EBF1: variants seen among roughly 807,000 people sequenced by gnomAD.
EBF1 encodes transcription factor COE1.
Under a neutral mutation model 68.4 loss-of-function variants are expected in EBF1, and 10 were observed. That is an observed-to-expected ratio of 0.15 (90% confidence interval 0.09 to 0.25). EBF1 has a LOEUF of 0.25. EBF1 is among the 10% of genes least tolerant of loss of function. The pLI, the probability that EBF1 is intolerant of heterozygous loss-of-function variation, is 1.00. For missense variants in EBF1, 509 were observed against 794.4 expected, an observed-to-expected ratio of 0.64 and a Z score of 4.32; for synonymous variants, 298 against 299.8, an observed-to-expected ratio of 0.99 and a Z score of 0.06.
intron 6 of EBF1, among the ~76,000 whole-genome samples, chr5:158,987,897 C>G (rs1463197741): frequency 6.6e-6 from 1 of 152,166 alleles, no homozygotes; most frequent in Non-Finnish European, 1.5e-5. Flanking sequence ...AGTCAAAGGC[C>G]TAGATCCCCT....
At position 159,096,334 on chromosome 5, in the gene EBF1, G is replaced by A. The variant is rs374695280; in HGVS notation, c.355+9C>T. 60 of 1,612,478 alleles carry A rather than the reference G, an allele frequency of 3.7e-5. No homozygotes were observed. Among genetic ancestry groups the A allele is most frequent in the Admixed American group, 6.7e-5 (4 of 59,820 alleles). Reference sequence around the variant, plus strand: ...CAGGGTGAGGCCATAGACCCGACCCGGGCCTCACCATTGCTGTAGAGAAGC... The same window carrying A: ...CAGGGTGAGGCCATAGACCCGACCCAGGCCTCACCATTGCTGTAGAGAAGC... On this transcript the variant is annotated intron_variant, in intron 3 of 15. Coordinates refer to ENST00000313708, the MANE Select transcript of EBF1 (RefSeq NM_024007.5).
intron 6 of EBF1, among the ~76,000 whole-genome samples, chr5:158,976,784 T>G (rs1396625618): frequency 6.6e-6 from 1 of 152,244 alleles, no homozygotes; most frequent in Non-Finnish European, 1.5e-5. Flanking sequence ...CGGTCTCACA[T>G]CACAGTACTG....
chr5:158,750,734 T>G (rs1768650962), intron 10 of EBF1, among the ~76,000 whole-genome samples: 2 of 151,970 alleles, frequency 1.3e-5, no homozygotes. Context: ...AAAAATTATT[T>G]CAAAAGTTTT....
intron 6 of EBF1, among the ~76,000 whole-genome samples, chr5:158,987,409 T>C (rs1178272009): frequency 6.6e-6 from 1 of 152,240 alleles, no homozygotes; most frequent in African/African-American, 2.4e-5. Flanking sequence ...AGCCATAGAA[T>C]CTTAAGCCCT....
chr5:158,941,397 A>T (rs1461021556), intron 6 of EBF1, among the ~76,000 whole-genome samples: 1 of 152,222 alleles, frequency 6.6e-6, no homozygotes, highest in Non-Finnish European at 1.5e-5. Flanking sequence ...GAGCCTAATA[A>T]CACTGCAAGT....
intron 9 of EBF1, among the ~76,000 whole-genome samples, chr5:158,792,947 CA>C (rs1377244912): frequency 3.9e-5 from 6 of 152,168 alleles, no homozygotes; most frequent in Admixed American, 6.5e-5. Context: ...CAGCACAAGA[CA>C]TCATGGCAAT....
At chr5:158,875,088 C>CA in intron 6 of EBF1, among the ~76,000 whole-genome samples, 1 of 149,170 alleles carries the variant, frequency 6.7e-6, no homozygotes, top group Non-Finnish European at 1.5e-5. Flanking sequence ...CACACACACA[C>CA]CAGGCAGTTT....
chr5:159,003,651 T>C (rs1439681381), intron 6 of EBF1, among the ~76,000 whole-genome samples: 1 of 152,178 alleles, frequency 6.6e-6, no homozygotes, highest in African/African-American at 2.4e-5. Flanking sequence ...TTCTTAGCAA[T>C]ATAGGCAGAG....
chr5:158,708,577 C>T (rs1758425794), intron 14 of EBF1, among the ~76,000 whole-genome samples: 1 of 152,174 alleles, frequency 6.6e-6, no homozygotes, highest in South Asian at 2.1e-4. Context: ...AACAAAAGTG[C>T]AACACCCTCT....
At position 158,698,655 on chromosome 5, in the gene EBF1, CT is replaced by C. The variant is rs1219424319; in HGVS notation, c.*455del. On this transcript the variant is annotated 3_prime_UTR_variant, in exon 16 of 16. Coordinates refer to ENST00000313708, the MANE Select transcript of EBF1 (RefSeq NM_024007.5). ...TCCCATACAAGCTTTTTTTTTTTTC[CT>C]TTTTTTCTTTTTTTTTTTTTTTACT... The C allele has an allele frequency of 3.8e-5, 5 of 131,222 alleles. No homozygotes were observed. The highest frequency in any genetic ancestry group is 6.4e-5 in the African/African-American group (2 of 31,012). The allele number at this position is 131,222 out of a possible 1,614,324, so 8.1% of individuals were successfully genotyped here. A position where few individuals can be genotyped will look rare whatever the true frequency, so the allele number is the denominator to read the frequency against.
At position 158,696,094 on chromosome 5, in the gene EBF1, TTAG is replaced by T. The variant is rs1755718028; in HGVS notation, c.*3014_*3016del. The T allele has an allele frequency of 4.7e-6, 1 of 212,626 alleles. No individual in the cohort carries two copies. The allele number at this position is 212,626 out of a possible 1,614,324, so 13.2% of individuals were successfully genotyped here. A position where few individuals can be genotyped will look rare whatever the true frequency, so the allele number is the denominator to read the frequency against. On this transcript the variant is annotated 3_prime_UTR_variant, in exon 16 of 16. Transcript: ENST00000313708. ...AAAGTTTTGATAAGAAGGTGAAAGG[TTAG>T]TAGATTTAGAGATGACTTCATTTAA...
At chr5:159,052,246 G>A (rs1773884565) in intron 6 of EBF1, among the ~76,000 whole-genome samples, 1 of 149,750 alleles carries the variant, frequency 6.7e-6, no homozygotes, top group South Asian at 2.2e-4. Flanking sequence ...AGGTATATGT[G>A]TATTGCTTAG....
intron 9 of EBF1, among the ~76,000 whole-genome samples, chr5:158,783,900 A>T (rs1024298618): frequency 1.3e-5 from 2 of 152,218 alleles, no homozygotes; most frequent in Non-Finnish European, 2.9e-5. Flanking sequence ...AGGGAAGAGG[A>T]CAATCTTCTA....
At chr5:158,944,411 T>C (rs764156751) in intron 6 of EBF1, among the ~76,000 whole-genome samples, 6 of 152,246 alleles carry the variant, frequency 3.9e-5, no homozygotes, top group Admixed American at 1.3e-4. Flanking sequence ...TTCTTTTTTA[T>C]GGCCACATAG....
intron 6 of EBF1, among the ~76,000 whole-genome samples, chr5:158,938,245 T>C (rs1220069072): frequency 6.6e-6 from 1 of 152,164 alleles, no homozygotes; most frequent in African/African-American, 2.4e-5. Flanking sequence ...CACCTCCTTT[T>C]TGCTCCCAGG....
intron 6 of EBF1, among the ~76,000 whole-genome samples, chr5:158,924,809 C>T (rs1326061062): frequency 3.4e-5 from 5 of 145,338 alleles, no homozygotes; most frequent in African/African-American, 7.7e-5. Flanking sequence ...GCCGAGATCG[C>T]GCCACTGCAC....
intron 4 of EBF1, among the ~76,000 whole-genome samples, chr5:159,085,128 GT>G (rs1277884277): frequency 6.6e-6 from 1 of 152,212 alleles, no homozygotes; most frequent in African/African-American, 2.4e-5. Context: ...TAAATGATAT[GT>G]ATTTGCCTCC....
chr5:158,850,266 T>C (rs2127994123), intron 6 of EBF1, among the ~76,000 whole-genome samples: 1 of 152,350 alleles, frequency 6.6e-6, no homozygotes, highest in African/African-American at 2.4e-5. Context: ...CTCTTAATGA[T>C]TTACTATTTC....
intron 10 of EBF1, among the ~76,000 whole-genome samples, chr5:158,768,411 A>G (rs1055357842): frequency 5.3e-5 from 8 of 152,202 alleles, no homozygotes; most frequent in Admixed American, 2.6e-4. Context: ...TATTATGGTA[A>G]TAAGTCAGAT....
Sources: allele counts gnomAD v4.1 joint callset (sites outside exome capture counted in the v4.1 genomes callset), GRCh38; gene constraint gnomAD v4.1.1; transcripts MANE v1.5; gene names NCBI Gene and HGNC (gene_info 2026-07-23, HGNC 2026-07-21).